Variants in LAMA5 observed in about 807,000 individuals in gnomAD.
LAMA5 encodes laminin subunit alpha-5.
LAMA5 carries 260 observed loss-of-function variants against 433.4 expected under a neutral mutation model. The observed-to-expected ratio is 0.60, with a 90% CI of 0.54 to 0.66. The LOEUF is 0.66. Ranked by LOEUF, LAMA5 falls within the 30% of genes least tolerant of loss-of-function variation. LAMA5 has a pLI of 0.00. For missense variants in LAMA5, 5,378 were observed against 5,258.5 expected, an observed-to-expected ratio of 1.02 and a Z score of -0.70; for synonymous variants, 2,620 against 2,226.6, an observed-to-expected ratio of 1.18 and a Z score of -4.97.
At position 62,312,247 on chromosome 20, in the gene LAMA5, T is replaced by C. The variant is rs773234457; in HGVS notation, c.9430A>G (p.Thr3144Ala). 1 of 1,611,212 alleles carries C rather than the reference T, an allele frequency of 6.2e-7. No homozygotes were observed. The highest frequency in any genetic ancestry group is 1.7e-5 in the Admixed American group (1 of 59,816). ...RLALSNVAPL[T>A]GNVYSGFGFH... ...CCGAAGCCGGAGTAGACGTTGCCAG[T>C]GAGCGGTGCCACGTTCGAGAGCGCC... The change falls in exon 69 of 80, where the codon ACT becomes GCT. Residue 3144 changes from threonine to alanine, a missense_variant. Coordinates refer to ENST00000252999, the MANE Select transcript of LAMA5 (RefSeq NM_005560.6).
Position 62,314,841 on chromosome 20 carries a change from G to A in LAMA5, c.8154C>T (p.Arg2718=), listed in dbSNP as rs117652580. 1,564 of 1,612,766 alleles carry A rather than the reference G, an allele frequency of 9.7e-4. 1 individual carries two copies. The highest frequency in any genetic ancestry group is 2.8e-3 in the Middle Eastern group (17 of 6,062). Residue 2718 remains arginine, a synonymous_variant, in exon 60 of 80, where the codon CGC becomes CGT. Transcript: ENST00000252999. ...GGGCCTGGGCAATGAGCTCTCGCACGCGGCCAATGCTGGCGGACAGGGCCA... is the reference window on the plus strand; with the variant it reads ...GGGCCTGGGCAATGAGCTCTCGCACACGGCCAATGCTGGCGGACAGGGCCA... ...ASLALSASIG[R]VRELIAQARG...
At position 62,322,250 on chromosome 20, in the gene LAMA5, GT is replaced by G; in HGVS notation, c.6346+18del. ...CTCAGAAGTCCCCATCCGCCCTCCTGTGACCGGCCAGCACTCACGCCTGCAG... is the reference window on the plus strand; with the variant it reads ...CTCAGAAGTCCCCATCCGCCCTCCTGGACCGGCCAGCACTCACGCCTGCAG... On this transcript the variant is annotated intron_variant, in intron 47 of 79. Transcript: ENST00000252999. 6.4e-7 allele frequency: 1 copy of G among 1,574,698 alleles called. No individual in the cohort carries two copies. The highest frequency in any genetic ancestry group is 2.3e-5 in the East Asian group (1 of 43,622).
Position 62,351,715 on chromosome 20 carries a change from C to T in LAMA5, c.945G>A (p.Thr315=), listed in dbSNP as rs144291842. The stretch of plus-strand genomic sequence containing the variant: ...GAATGGGGCCTCACCTGAACGGGTC[C>T]GTGGGGTCTTTGGCATCGCAGGCAT... The part of the protein sequence containing the change: ...HADACDAKDP[T]DPFRLQCTCQ... The change falls in exon 6 of 80, where the codon ACG becomes ACA. Residue 315 remains threonine (T), a synonymous_variant. Coordinates refer to ENST00000252999, the MANE Select transcript of LAMA5 (RefSeq NM_005560.6). 3.1e-6 allele frequency: 5 copies of T among 1,611,544 alleles called. No individual in the cohort carries two copies. Among genetic ancestry groups the T allele is most frequent in the African/African-American group, 1.3e-5 (1 of 74,928 alleles).
chr20:62,334,279 G>A lies in LAMA5; in HGVS notation c.2646C>T (p.Ala882=), dbSNP rs1195107344. ...HHLRLELEEA[A]TPEGHAVRFG... Reference sequence around the variant, plus strand: ...AGCGCACGGCGTGACCCTCAGGTGTGGCAGCCTCCTCCAGCTCCAGGCGCA... The same window carrying A: ...AGCGCACGGCGTGACCCTCAGGTGTAGCAGCCTCCTCCAGCTCCAGGCGCA... The change falls in exon 22 of 80, where the codon GCC becomes GCT. Residue 882 remains alanine (A), a synonymous_variant. Coordinates refer to ENST00000252999, the MANE Select transcript of LAMA5 (RefSeq NM_005560.6). 1.2e-6 allele frequency: 2 copies of A among 1,612,124 alleles called. No homozygotes were observed. Among genetic ancestry groups the A allele is most frequent in the African/African-American group, 2.7e-5 (2 of 74,904 alleles).
intron 11 of LAMA5, among the ~76,000 whole-genome samples, chr20:62,343,640 G>A (rs1287727086): frequency 6.6e-6 from 1 of 150,986 alleles, no homozygotes; most frequent in Non-Finnish European, 1.5e-5. Context: ...GCCAGGCATG[G>A]TGGCGCATGC....
In LAMA5 at chr20:62,360,208, G is replaced by C. The variant is rs77133287; in HGVS notation, c.450+2192C>G. Among the ~76,000 whole-genome samples, 765 of 148,890 alleles carry C rather than the reference G, an allele frequency of 5.1e-3. 5 individuals are homozygous for C. The highest frequency in any genetic ancestry group is 0.018 in the African/African-American group (740 of 40,056). On this transcript the variant is annotated intron_variant, in intron 2 of 79. Transcript: ENST00000252999. ...TAGATACATCCACGTGGTCAGGAAAGTGGGTGAGAAGGAAGGAAGACGGTG... is the reference window on the plus strand; with the variant it reads ...TAGATACATCCACGTGGTCAGGAAACTGGGTGAGAAGGAAGGAAGACGGTG...
In LAMA5 at chr20:62,329,204, C is replaced by T. The variant is rs80130493; in HGVS notation, c.4169G>A (p.Arg1390Gln). 82 of 1,612,806 alleles carry T rather than the reference C, an allele frequency of 5.1e-5. 1 individual carries two copies. In the African/African-American group the frequency reaches 9.2e-4, roughly 18 times the overall value. ...PENVYSFGYL[R>Q]EEPLDKSYDF... is the part of the protein sequence containing the mutation. ...ATAGGATTTATCCAGGGGCTCCTCC[C>T]GGAGGTAGCCAAAGCTGTAGACGTT... Residue 1390 changes from arginine to glutamine, a missense_variant, in exon 33 of 80, where the codon CGG (arginine) becomes CAG (glutamine). Transcript: ENST00000252999.
chr20:62,319,330 G>C (rs1365439054), intron 51 of LAMA5, among the ~76,000 whole-genome samples: 1 of 151,952 alleles, frequency 6.6e-6, no homozygotes, highest in Non-Finnish European at 1.5e-5. Flanking sequence ...ACCCCCTGCC[G>C]ACCCCCAGGC....
At chr20:62,345,219 C>A (rs1465920148) in intron 11 of LAMA5, among the ~76,000 whole-genome samples, 1 of 151,304 alleles carries the variant, frequency 6.6e-6, no homozygotes, top group African/African-American at 2.4e-5. Flanking sequence ...GCCAGGCTGG[C>A]CTTGAACTCC....
At position 62,313,453 on chromosome 20, in the gene LAMA5, G is replaced by A; in HGVS notation, c.8666C>T (p.Pro2889Leu). 6 of 1,606,078 alleles carry A rather than the reference G, an allele frequency of 3.7e-6. No homozygotes were observed. Among genetic ancestry groups the A allele is most frequent in the Non-Finnish European group, 5.1e-6 (6 of 1,176,920 alleles). Residue 2889 changes from proline to leucine, a missense_variant, in exon 64 of 80, where the codon CCC (proline) becomes CTC (leucine). By Grantham distance (98) the Pro-to-Leu change is moderately conservative. Transcript: ENST00000252999. The part of the protein sequence containing the change: ...GGYPSTFTPP[P>L]LLRFPGYRGC... ...CCGGTAGCCGGGGAAGCGAAGCAGG[G>A]GAGGGGGCTGTGGGCACAGGGCTGG...
chr20:62,348,451 C>CA (rs1273912989), intron 6 of LAMA5, among the ~76,000 whole-genome samples: 3 of 151,764 alleles, frequency 2.0e-5, no homozygotes, highest in African/African-American at 7.3e-5. Context: ...AAGAAAAATA[C>CA]AAAAAATTAG....
At chr20:62,336,619 G>T in intron 17 of LAMA5, 115 bp downstream of exon 17, 1 of 1,307,304 alleles carries the variant, frequency 7.6e-7, no homozygotes, top group South Asian at 1.2e-5. Flanking sequence ...ACAGGCCCTG[G>T]GGTTGCCATG....
At position 62,312,933 on chromosome 20, in the gene LAMA5, G is replaced by C; in HGVS notation, c.9033C>G (p.Ala3011=). The C allele has an allele frequency of 1.3e-6, 2 of 1,580,384 alleles. No homozygotes were observed. Among genetic ancestry groups the C allele is most frequent in the Non-Finnish European group, 1.7e-6 (2 of 1,161,068 alleles). The change falls in exon 66 of 80, where the codon GCC becomes GCG. Residue 3011 remains alanine, a synonymous_variant. Transcript: ENST00000252999. ...LYDFGAGLKK[A]VPLQPPPPLT... ...GGGGCGGTGGGGGCTGCAGTGGGAC[G>C]GCCTTTTTCAGGCCAGCCCCAAAGT...
chr20:62,340,832 C>T (rs935289028), intron 11 of LAMA5, among the ~76,000 whole-genome samples: 4 of 151,432 alleles, frequency 2.6e-5, no homozygotes, highest in Non-Finnish European at 4.4e-5. Flanking sequence ...GTCAGGAGTT[C>T]GAGATCAGCC....
intron 2 of LAMA5, among the ~76,000 whole-genome samples, chr20:62,360,125 G>A (rs1460839345): frequency 6.6e-6 from 1 of 150,908 alleles, no homozygotes; most frequent in Non-Finnish European, 1.5e-5. Context: ...GGGAGTCCCT[G>A]CCCCCACCCT....
intron 39 of LAMA5, 42 bp downstream of exon 39, chr20:62,326,823 C>T (rs550849241): frequency 2.5e-5 from 40 of 1,599,364 alleles, no homozygotes; most frequent in East Asian, 1.3e-4. Context: ...CACTGCGCCA[C>T]GCCCACCCAA....
rs772077717 is a variant in LAMA5 at position 62,352,387 on chromosome 20, C to T, written c.569-27G>A. 5.8e-6 allele frequency: 9 copies of T among 1,558,752 alleles called. No homozygotes were observed. In the Admixed American group the frequency reaches 6.8e-5, roughly 12 times the overall value. ...TGCGGGGAATGGCGGGAGGGGAGGG[C>T]GCTGGATCACCAGAAAAGCCTGGGT... On this transcript the variant is annotated intron_variant, in intron 3 of 79. Transcript: ENST00000252999.
intron 2 of LAMA5, among the ~76,000 whole-genome samples, chr20:62,358,278 G>A (rs371633355): frequency 1.2e-4 from 19 of 152,148 alleles, no homozygotes; most frequent in South Asian, 6.2e-4. Flanking sequence ...GGGTTTTGCC[G>A]TCTATCCTGT....
intron 62 of LAMA5, 35 bp downstream of exon 62, chr20:62,314,269 T>C: frequency 6.2e-7 from 1 of 1,603,214 alleles, no homozygotes; most frequent in Non-Finnish European, 8.5e-7. Flanking sequence ...GGCCCTGCAG[T>C]TGGAGGCATC....
Sources: allele counts gnomAD v4.1 joint callset (sites outside exome capture counted in the v4.1 genomes callset), GRCh38; gene constraint gnomAD v4.1.1; transcripts MANE v1.5; gene names NCBI Gene and HGNC (gene_info 2026-07-23, HGNC 2026-07-21).